Variants in ADAM18 observed in about 807,000 individuals in gnomAD.
ADAM18 encodes ADAM metallopeptidase domain 18, also known as disintegrin and metalloproteinase domain-containing protein 18.
A neutral mutation model predicts 94.4 loss-of-function variants in ADAM18; 117 were observed. The observed-to-expected ratio is 1.24, with a 90% CI of 1.07 to 1.45. ADAM18 has a LOEUF of 1.45. Ranked by LOEUF, ADAM18 falls within the 40% of genes most tolerant of loss-of-function variation. The pLI is 0.00. For missense variants in ADAM18, 936 were observed against 880.0 expected (o/e 1.06, Z -0.81); for synonymous variants, 327 against 291.6 (o/e 1.12, Z -1.24).
At chr8:39,660,399 A>C (rs2129579973) in intron 12 of ADAM18, among the ~76,000 whole-genome samples, 1 of 152,320 alleles carries the variant, frequency 6.6e-6, no homozygotes, top group Non-Finnish European at 1.5e-5. Context: ...AAGTAAAGGA[A>C]TGCAAGACTA....
At position 39,730,016 on chromosome 8, in the gene ADAM18, T is replaced by A. The variant is rs371349019; in HGVS notation, c.*76T>A. On this transcript the variant is annotated 3_prime_UTR_variant, in exon 20 of 20. Coordinates refer to ENST00000265707, the MANE Select transcript of ADAM18 (RefSeq NM_014237.3). ...ATTTATAACCTTACGTTATCCCCAA[T>A]GCATTGTAAATGTCAAACTTTTGGA... 7.0e-7 allele frequency: 1 copy of A among 1,437,974 alleles called. No homozygotes were observed. The highest frequency in any genetic ancestry group is 2.3e-5 in the East Asian group (1 of 43,896). The allele number at this position is 1,437,974 out of a possible 1,614,324, so 89.1% of individuals were successfully genotyped here. A position where few individuals can be genotyped will look rare whatever the true frequency, so the allele number is the denominator to read the frequency against.
intron 13 of ADAM18, among the ~76,000 whole-genome samples, chr8:39,665,187 T>C (rs953685680): frequency 1.3e-5 from 2 of 152,202 alleles, no homozygotes; most frequent in Non-Finnish European, 2.9e-5. Flanking sequence ...AATTGAATCA[T>C]ACAATATGTG....
At position 39,723,888 on chromosome 8, in the gene ADAM18, G is replaced by C. The variant is rs1012157158; in HGVS notation, c.2158G>C (p.Glu720Gln). The change falls in exon 19 of 20, where the codon GAG becomes CAG. Residue 720 changes from glutamate to glutamine, a missense_variant. Glu to Gln is a conservative substitution (Grantham distance 29, BLOSUM62 2). Coordinates refer to ENST00000265707, the MANE Select transcript of ADAM18 (RefSeq NM_014237.3). ...TGAAATAAGTAAATCATGTAACAGA[G>C]AGAATGCAGAGTATAATCGGTAAAT... ...RNEISKSCNR[E>Q]NAEYNRNSSV... is the part of the protein sequence containing the mutation. 4.5e-6 allele frequency: 7 copies of C among 1,542,736 alleles called. No homozygotes were observed. Among genetic ancestry groups the C allele is most frequent in the Non-Finnish European group, 5.3e-6 (6 of 1,139,118 alleles).
At chr8:39,710,102 G>A (rs1486326277) in intron 18 of ADAM18, among the ~76,000 whole-genome samples, 1 of 152,194 alleles carries the variant, frequency 6.6e-6, no homozygotes, top group Admixed American at 6.5e-5. Context: ...CAGTTGTGTA[G>A]AGTGAGATGA....
intron 17 of ADAM18, among the ~76,000 whole-genome samples, chr8:39,703,851 G>T (rs970352797): frequency 6.6e-6 from 1 of 151,866 alleles, no homozygotes; most frequent in Non-Finnish European, 1.5e-5. Flanking sequence ...GAAGATTCAA[G>T]TACACACAAT....
chr8:39,692,503 C>T, intron 16 of ADAM18, 97 bp from the exon 17 acceptor site: 2 of 522,526 alleles, frequency 3.8e-6, no homozygotes. Flanking sequence ...AGTCTTTCAA[C>T]TTAAGCATCT....
chr8:39,675,344 C>T (rs1376451237), intron 14 of ADAM18, among the ~76,000 whole-genome samples: 1 of 152,066 alleles, frequency 6.6e-6, no homozygotes, highest in Non-Finnish European at 1.5e-5. Flanking sequence ...TTTCTCTAAC[C>T]TTGTTTTCTT....
chr8:39,647,135 C>T (rs905813038), intron 11 of ADAM18, among the ~76,000 whole-genome samples: 13 of 151,208 alleles, frequency 8.6e-5, no homozygotes, highest in Admixed American at 2.6e-4. Context: ...GCACCGGCAC[C>T]GGTCTCTGAG....
chr8:39,678,509 G>A (rs796122619), intron 15 of ADAM18, among the ~76,000 whole-genome samples: 2 of 152,132 alleles, frequency 1.3e-5, no homozygotes, highest in Non-Finnish European at 1.5e-5. Context: ...GTACTGATGA[G>A]TGGGGATCTC....
intron 1 of ADAM18, 142 bp downstream of exon 1, chr8:39,584,819 A>G: frequency 1.0e-6 from 1 of 987,506 alleles, no homozygotes; most frequent in Non-Finnish European, 1.5e-6. Flanking sequence ...TGTCAGGGAC[A>G]CCTTTCCACG....
At position 39,620,357 on chromosome 8, in the gene ADAM18, C is replaced by CA. The variant is rs61555393; in HGVS notation, c.523-9000dup. 9.6e-3 allele frequency among the ~76,000 whole-genome samples: 871 copies of CA among 90,480 alleles called. 9 individuals carry two copies. Among genetic ancestry groups the CA allele is most frequent in the Non-Finnish European group, 0.014 (678 of 47,956 alleles). 59.4% of individuals were successfully genotyped at this position (90,480 alleles called of 152,430 possible). A position where few individuals can be genotyped will look rare whatever the true frequency, so the allele number is the denominator to read the frequency against. On this transcript the variant is annotated intron_variant, in intron 6 of 19. Transcript: ENST00000265707. ...ACCTCAAAAGCACATGCAACAAAAG[C>CA]AAAAAAAAAAAAAAAAACAAAAAAA... is the stretch of plus-strand genomic sequence containing the variant.
intron 2 of ADAM18, among the ~76,000 whole-genome samples, chr8:39,594,658 GTCT>G (rs1418311424): frequency 2.7e-5 from 4 of 150,404 alleles, no homozygotes; most frequent in Non-Finnish European, 5.9e-5. Flanking sequence ...TGATCTTCAT[GTCT>G]TCTTATGAGA....
chr8:39,716,831 T>TTC (rs541466029), intron 18 of ADAM18, among the ~76,000 whole-genome samples: 107 of 151,900 alleles, frequency 7.0e-4, no homozygotes, highest in Non-Finnish European at 1.3e-3. Context: ...TGATATCTAT[T>TTC]TCTCCGTTTA....
chr8:39,674,590 G>A (rs904279555), intron 14 of ADAM18, among the ~76,000 whole-genome samples: 15 of 152,132 alleles, frequency 9.9e-5, no homozygotes, highest in African/African-American at 3.6e-4. Flanking sequence ...GCCAGTCTGT[G>A]TCTTTTAACT....
rs927517908 is a variant in ADAM18, at chr8:39,593,069, C to G, written c.132+7717C>G. 7.2e-5 allele frequency among the ~76,000 whole-genome samples: 11 copies of G among 152,312 alleles called. No individual in the cohort carries two copies. The South Asian group carries it at 1.2e-3, about 17-fold the overall frequency. ...TTGTTATGGAGATATCTTCTTAAAT[C>G]TCATGAACCAACCTCTGTTAGCTTC... On this transcript the variant is annotated intron_variant, in intron 2 of 19. Coordinates refer to ENST00000265707, the MANE Select transcript of ADAM18 (RefSeq NM_014237.3).
chr8:39,685,910 A>G (rs577079495), intron 16 of ADAM18, among the ~76,000 whole-genome samples: 5 of 152,186 alleles, frequency 3.3e-5, no homozygotes, highest in African/African-American at 7.2e-5. Flanking sequence ...TTGACACTTT[A>G]TAACAAAGAT....
intron 17 of ADAM18, among the ~76,000 whole-genome samples, chr8:39,697,464 G>A (rs1180099770): frequency 6.6e-6 from 1 of 151,320 alleles, no homozygotes; most frequent in Admixed American, 6.6e-5. Flanking sequence ...TTTTCCTTGT[G>A]ATTTCTTTCT....
intron 12 of ADAM18, among the ~76,000 whole-genome samples, chr8:39,659,245 T>A (rs1036117619): frequency 6.6e-6 from 1 of 152,026 alleles, no homozygotes; most frequent in African/African-American, 2.4e-5. Context: ...TTATACATTA[T>A]CTGATAATTG....
chr8:39,589,220 G>A (rs945046501), intron 2 of ADAM18, among the ~76,000 whole-genome samples: 1 of 152,176 alleles, frequency 6.6e-6, no homozygotes, highest in Admixed American at 6.5e-5. Flanking sequence ...AGCTGATAGT[G>A]CCAAGCCAAC....
Sources: allele counts gnomAD v4.1 joint callset (sites outside exome capture counted in the v4.1 genomes callset), GRCh38; gene constraint gnomAD v4.1.1; transcripts MANE v1.5; gene names NCBI Gene and HGNC (gene_info 2026-07-23, HGNC 2026-07-21).